SYNDIG1: variants seen among roughly 807,000 people sequenced by gnomAD.
SYNDIG1 encodes synapse differentiation-inducing gene protein 1.
A neutral mutation model predicts 19.4 loss-of-function variants in SYNDIG1; 9 were observed. The ratio of observed to expected loss-of-function variants is 0.46; its 90% confidence interval spans 0.28 to 0.81. SYNDIG1 has a LOEUF of 0.81. SYNDIG1 is among the 30% of genes least tolerant of loss of function. The probability of loss-of-function intolerance (pLI) is 0.12; values close to 1 mark genes in which losing one functional copy is unlikely to be tolerated. For synonymous variants in SYNDIG1, 141 were observed against 145.9 expected (o/e 0.97, Z 0.24); for missense variants, 311 against 343.3 (o/e 0.91, Z 0.74).
intron 1 of SYNDIG1, among the ~76,000 whole-genome samples, chr20:24,486,044 C>G (rs1342036743): frequency 6.6e-6 from 1 of 152,200 alleles, no homozygotes; most frequent in Non-Finnish European, 1.5e-5. Context: ...TGAAGGTGGG[C>G]AGGGTGAAGC....
chr20:24,638,533 A>AT (rs1011160951), intron 3 of SYNDIG1, among the ~76,000 whole-genome samples: 10 of 151,492 alleles, frequency 6.6e-5, no homozygotes, highest in Non-Finnish European at 8.8e-5. Context: ...AATTTTTTGT[A>AT]TTTTTTTTAA....
At chr20:24,634,918 G>A (rs147177756) in intron 3 of SYNDIG1, among the ~76,000 whole-genome samples, 2 of 152,304 alleles carry the variant, frequency 1.3e-5, no homozygotes, top group South Asian at 2.1e-4. Flanking sequence ...CATTGGTTGT[G>A]CGGTGTCTCA....
rs575270770 is a variant in SYNDIG1, at chr20:24,479,286, C to T, written c.-79+9533C>T. ...TCCCGCTCCTCTGAGACCTTCTCCCCGAGCCCTCACCCTCCTTGGATTCCG... is the reference window on the plus strand; with the variant it reads ...TCCCGCTCCTCTGAGACCTTCTCCCTGAGCCCTCACCCTCCTTGGATTCCG... On this transcript the variant is annotated intron_variant, in intron 1 of 3. Transcript: ENST00000376862. Among the ~76,000 whole-genome samples the T allele has an allele frequency of 1.1e-4, 17 of 152,298 alleles. No individual in the cohort carries two copies. The East Asian group carries it at 2.7e-3, about 24-fold the overall frequency.
intron 2 of SYNDIG1, among the ~76,000 whole-genome samples, chr20:24,558,474 A>AGCCTT (rs2057871253): frequency 6.6e-6 from 1 of 152,230 alleles, no homozygotes; most frequent in African/African-American, 2.4e-5. Context: ...TTCGAAATTT[A>AGCCTT]GCCTTACAAT....
chr20:24,600,880 G>T lies in SYNDIG1; in HGVS notation c.618+15887G>T, dbSNP rs1382934876. Reference sequence around the variant, plus strand: ...TCTGCCTGCCTTGGCCTCCCAAAGTGCTGGGATTACAGGTATGAGCCACCA... The same window carrying T: ...TCTGCCTGCCTTGGCCTCCCAAAGTTCTGGGATTACAGGTATGAGCCACCA... On this transcript the variant is annotated intron_variant, in intron 3 of 3. Transcript: ENST00000376862. Among the ~76,000 whole-genome samples, 3 of 152,104 alleles carry T rather than the reference G, an allele frequency of 2.0e-5. No homozygotes were observed. The East Asian group carries it at 5.8e-4, about 29-fold the overall frequency.
intron 3 of SYNDIG1, among the ~76,000 whole-genome samples, chr20:24,649,463 G>A (rs1185957379): frequency 6.6e-6 from 1 of 152,138 alleles, no homozygotes; most frequent in African/African-American, 2.4e-5. Context: ...CGGGGCTCTT[G>A]CACACGTGTA....
intron 3 of SYNDIG1, among the ~76,000 whole-genome samples, chr20:24,625,536 G>C (rs2059111790): frequency 6.6e-6 from 1 of 151,892 alleles, no homozygotes; most frequent in East Asian, 1.9e-4. Flanking sequence ...GTGTCCCTGG[G>C]TACTTGAGAT....
intron 1 of SYNDIG1, among the ~76,000 whole-genome samples, chr20:24,486,784 G>C (rs562340501): frequency 4.0e-5 from 6 of 151,262 alleles, no homozygotes; most frequent in Non-Finnish European, 7.4e-5. Context: ...TCACCCTCCT[G>C]AGTATCTGGG....
At chr20:24,503,402 C>G (rs1027625367) in intron 1 of SYNDIG1, among the ~76,000 whole-genome samples, 4 of 152,174 alleles carry the variant, frequency 2.6e-5, no homozygotes, top group African/African-American at 9.7e-5. Context: ...ATTTTGGTGT[C>G]TAGAGCTGGC....
intron 2 of SYNDIG1, among the ~76,000 whole-genome samples, chr20:24,564,527 G>T (rs1295846820): frequency 6.6e-6 from 1 of 152,232 alleles, no homozygotes; most frequent in African/African-American, 2.4e-5. Context: ...TTCTCAGTGT[G>T]CTGTACTGTT....
At chr20:24,610,126 G>A (rs1193516014) in intron 3 of SYNDIG1, among the ~76,000 whole-genome samples, 1 of 152,152 alleles carries the variant, frequency 6.6e-6, no homozygotes, top group Non-Finnish European at 1.5e-5. Flanking sequence ...CTAAATACAG[G>A]TGAAAACATG....
chr20:24,523,706 C>T (rs2057055847), intron 1 of SYNDIG1, among the ~76,000 whole-genome samples: 1 of 152,194 alleles, frequency 6.6e-6, no homozygotes, highest in Non-Finnish European at 1.5e-5. Flanking sequence ...TCCTATACAC[C>T]TATTCTGGCT....
At chr20:24,595,497 G>A (rs978899869) in intron 3 of SYNDIG1, among the ~76,000 whole-genome samples, 2 of 152,168 alleles carry the variant, frequency 1.3e-5, no homozygotes, top group African/African-American at 4.8e-5. Flanking sequence ...GTACCAGGAT[G>A]ATACTGACCT....
intron 1 of SYNDIG1, among the ~76,000 whole-genome samples, chr20:24,526,271 C>T (rs2057121638): frequency 6.6e-6 from 1 of 151,666 alleles, no homozygotes; most frequent in Non-Finnish European, 1.5e-5. Context: ...AGAATTTGGC[C>T]AACTTTTTTT....
intron 2 of SYNDIG1, among the ~76,000 whole-genome samples, chr20:24,571,097 G>A (rs1405645698): frequency 6.6e-6 from 1 of 152,164 alleles, no homozygotes; most frequent in Non-Finnish European, 1.5e-5. Context: ...CAACAGCAGT[G>A]CAGTGATTGC....
chr20:24,569,029 C>T (rs1291017420), intron 2 of SYNDIG1, among the ~76,000 whole-genome samples: 3 of 152,222 alleles, frequency 2.0e-5, no homozygotes, highest in Admixed American at 6.5e-5. Flanking sequence ...TTGTCCCACC[C>T]TCTGTGAGGA....
intron 1 of SYNDIG1, among the ~76,000 whole-genome samples, chr20:24,540,724 C>T (rs186628151): frequency 3.1e-4 from 47 of 152,078 alleles, no homozygotes; most frequent in Admixed American, 2.7e-3. Flanking sequence ...TGATTTTAAC[C>T]CTCCTTGCAT....
At chr20:24,644,827 G>A (rs1393725464) in intron 3 of SYNDIG1, among the ~76,000 whole-genome samples, 1 of 152,168 alleles carries the variant, frequency 6.6e-6, no homozygotes, top group Non-Finnish European at 1.5e-5. Flanking sequence ...GGGGTACTTA[G>A]CCACAGAACA....
intron 2 of SYNDIG1, among the ~76,000 whole-genome samples, chr20:24,581,789 C>T (rs562244322): frequency 9.2e-5 from 14 of 151,896 alleles, no homozygotes; most frequent in Admixed American, 5.2e-4. Context: ...ACATCCTCCC[C>T]GCTGCATGTC....
Sources: gnomAD v4.1 joint callset for allele counts (sites outside exome capture counted in the v4.1 genomes callset) on GRCh38, gnomAD v4.1.1 for gene constraint, MANE v1.5 for transcripts, NCBI Gene and HGNC (gene_info 2026-07-23, HGNC 2026-07-21) for gene names.